Variants in FABP12 observed in about 807,000 individuals in gnomAD.
FABP12 encodes the protein fatty acid-binding protein 12.
In FABP12, 19 loss-of-function variants were observed where a neutral mutation model predicts 13.7. The observed-to-expected ratio is 1.39, with a 90% CI of 0.97 to 2.04. FABP12 has a LOEUF of 2.04. FABP12 is among the 30% of genes most tolerant of loss of function. FABP12 has a pLI of 0.00. For missense variants in FABP12, 182 were observed against 164.2 expected (o/e 1.11, Z -0.59); for synonymous variants, 61 against 57.0 (o/e 1.07, Z -0.32).
In FABP12 at chr8:81,564,119, C is replaced by A. The variant is rs1281360888; in HGVS notation, c.-184-24376G>T. Among the ~76,000 whole-genome samples, 4 of 151,374 alleles carry A rather than the reference C, an allele frequency of 2.6e-5. No individual in the cohort carries two copies. The East Asian group carries it at 7.7e-4, about 29-fold the overall frequency. On this transcript the variant is annotated intron_variant, in intron 1 of 5. Coordinates refer to the FABP12 transcript ENST00000692030. ...CTTCTCAGTGGAAACCTTACAAGGCCAAGAGAGAGTGGCATGGAATATGTA... is the reference window on the plus strand; with the variant it reads ...CTTCTCAGTGGAAACCTTACAAGGCAAAGAGAGAGTGGCATGGAATATGTA...
intron 1 of FABP12, among the ~76,000 whole-genome samples, chr8:81,572,925 TTTG>T (rs879567543): frequency 0.028 from 4,289 of 152,300 alleles, 97 homozygotes; most frequent in Middle Eastern, 0.082. Context: ...TAACTGTTCT[TTTG>T]CCCTGCAAAA....
intron 1 of FABP12, among the ~76,000 whole-genome samples, chr8:81,548,927 T>C (rs146757263): frequency 9.0e-4 from 137 of 152,300 alleles, no homozygotes; most frequent in Middle Eastern, 3.4e-3. Flanking sequence ...AATGTTTCTG[T>C]GAAAATACTT....
intron 1 of FABP12, among the ~76,000 whole-genome samples, chr8:81,576,345 T>C: frequency 6.6e-6 from 1 of 152,152 alleles, no homozygotes; most frequent in Non-Finnish European, 1.5e-5. Flanking sequence ...TTTTAATATA[T>C]AATATTTTCA....
chr8:81,546,433 C>T (rs1304689022), intron 1 of FABP12, among the ~76,000 whole-genome samples: 4 of 150,892 alleles, frequency 2.7e-5, no homozygotes, highest in East Asian at 1.9e-4. Flanking sequence ...GTGGGTGGAT[C>T]ACGAGGTCAG....
In FABP12 at chr8:81,541,910, TAAAAAAAAAAAAAAAAAA is replaced by T. The variant is rs1167487132; in HGVS notation, c.-184-2185_-184-2168del. On this transcript the variant is annotated intron_variant, in intron 1 of 5. Transcript: ENST00000692030. Reference sequence around the variant, plus strand: ...CTGGACTTCCAGGAGTCCCAGGGTTTAAAAAAAAAAAAAAAAAAAAAAAAAAAAAAAGACAAAGAAAAT... The same window carrying T: ...CTGGACTTCCAGGAGTCCCAGGGTTTAAAAAAAAAAAAAGACAAAGAAAAT... Among the ~76,000 whole-genome samples the T allele has an allele frequency of 3.3e-3, 236 of 71,172 alleles. 5 individuals carry two copies. In the East Asian group the frequency reaches 0.053, roughly 16 times the overall value. The allele number at this position is 71,172 out of a possible 152,430, so 46.7% of individuals were successfully genotyped here.
At chr8:81,577,092 T>A (rs1810060632) in intron 1 of FABP12, among the ~76,000 whole-genome samples, 1 of 152,226 alleles carries the variant, frequency 6.6e-6, no homozygotes, top group Non-Finnish European at 1.5e-5. Context: ...TTTTCAATTA[T>A]TTGCTACAAT....
At chr8:81,559,141 T>G (rs1809672865) in intron 1 of FABP12, among the ~76,000 whole-genome samples, 1 of 152,180 alleles carries the variant, frequency 6.6e-6, no homozygotes, top group South Asian at 2.1e-4. Flanking sequence ...TTTCACCCAC[T>G]TCAAGCCACT....
intron 3 of FABP12, among the ~76,000 whole-genome samples, chr8:81,528,627 G>A (rs1167229633): frequency 3.3e-5 from 5 of 152,128 alleles, no homozygotes; most frequent in East Asian, 3.8e-4. Context: ...GACCAAGCAC[G>A]GGGTTCTGTG....
Position 81,557,021 on chromosome 8 carries a change from T to A in FABP12, c.-184-17278A>T, listed in dbSNP as rs568734754. On this transcript the variant is annotated intron_variant, in intron 1 of 5. Transcript: ENST00000692030. ...TCTTGGGTAGCTGGGATTACAGGCATGCACCACCATTTCCAGCTTATTTTT... is the reference window on the plus strand; with the variant it reads ...TCTTGGGTAGCTGGGATTACAGGCAAGCACCACCATTTCCAGCTTATTTTT... Among the ~76,000 whole-genome samples, 6 of 151,434 alleles carry A rather than the reference T, an allele frequency of 4.0e-5. No homozygotes were observed. The East Asian group carries it at 1.2e-3, about 29-fold the overall frequency.
intron 1 of FABP12, among the ~76,000 whole-genome samples, chr8:81,563,232 T>A (rs1236398044): frequency 6.6e-6 from 1 of 152,238 alleles, no homozygotes; most frequent in Non-Finnish European, 1.5e-5. Flanking sequence ...GTGATACCCC[T>A]AAACAGATAC....
chr8:81,529,090 G>GT (rs1808986685), intron 3 of FABP12, among the ~76,000 whole-genome samples: 1 of 152,168 alleles, frequency 6.6e-6, no homozygotes, highest in South Asian at 2.1e-4. Flanking sequence ...TTTATTCACT[G>GT]TAATTCTATG....
At chr8:81,554,839 G>A (rs10441575) in intron 1 of FABP12, among the ~76,000 whole-genome samples, 25,293 of 152,026 alleles carry the variant, frequency 0.17, 2,462 homozygotes, top group East Asian at 0.34. Context: ...ATCTCATAAG[G>A]TTCTAAGAAA....
chr8:81,556,997 C>T (rs1256855818), intron 1 of FABP12, among the ~76,000 whole-genome samples: 2 of 150,078 alleles, frequency 1.3e-5, no homozygotes, highest in South Asian at 2.1e-4. Flanking sequence ...GCCTCAGCCT[C>T]TTGGGTAGCT....
chr8:81,578,492 T>C (rs1296848869), intron 1 of FABP12, among the ~76,000 whole-genome samples: 2 of 151,218 alleles, frequency 1.3e-5, no homozygotes, highest in East Asian at 1.9e-4. Flanking sequence ...CTTTTCTTTT[T>C]TTTTTTTTTT....
intron 2 of FABP12, among the ~76,000 whole-genome samples, chr8:81,530,720 G>A (rs921311299): frequency 2.6e-5 from 4 of 152,124 alleles, no homozygotes; most frequent in Admixed American, 2.6e-4. Flanking sequence ...TTGAGATGGG[G>A]AGAGTATCCT....
rs2046495 is a variant in FABP12 at position 81,533,009 on chromosome 8, T to C, written c.-76+793A>G. 2.6e-5 allele frequency: 4 copies of C among 152,126 alleles called. No homozygotes were observed. In the East Asian group the frequency reaches 7.7e-4, roughly 29 times the overall value. The allele number at this position is 152,126 out of a possible 1,614,324, so 9.4% of individuals were successfully genotyped here. A position where few individuals can be genotyped will look rare whatever the true frequency, so the allele number is the denominator to read the frequency against. ...CAATTCCCAGGATTTTTCAAGAAAA[T>C]GTCGAATGTGCTGCCACATATGTCG... On this transcript the variant is annotated intron_variant, in intron 1 of 4. Transcript: ENST00000360464.
At position 81,582,396 on chromosome 8, in the gene FABP12, T is replaced by C. The variant is rs1448239287; in HGVS notation, c.-185+7657A>G. Among the ~76,000 whole-genome samples, 4 of 152,120 alleles carry C rather than the reference T, an allele frequency of 2.6e-5. No individual in the cohort carries two copies. The South Asian group carries it at 6.2e-4, about 24-fold the overall frequency. ...TTGGCCTTCCAAAGTTCTGGGATTA[T>C]AGGCGTGAGCCACTGCACCCAGCCC... On this transcript the variant is annotated intron_variant, in intron 1 of 5. Coordinates refer to the FABP12 transcript ENST00000692030.
chr8:81,540,999 C>CT (rs1809327087), intron 1 of FABP12, among the ~76,000 whole-genome samples: 1 of 151,972 alleles, frequency 6.6e-6, no homozygotes, highest in Non-Finnish European at 1.5e-5. Context: ...AACCTCATCT[C>CT]TACTAAAAAT....
At chr8:81,584,776 G>C (rs999696729) in intron 1 of FABP12, among the ~76,000 whole-genome samples, 1 of 152,076 alleles carries the variant, frequency 6.6e-6, no homozygotes, top group African/African-American at 2.4e-5. Context: ...AGTGTACAAG[G>C]GTTCCTCCTT....
Sources: allele counts gnomAD v4.1 joint callset (sites outside exome capture counted in the v4.1 genomes callset), GRCh38; gene constraint gnomAD v4.1.1; transcripts MANE v1.5; gene names NCBI Gene and HGNC (gene_info 2026-07-23, HGNC 2026-07-21).